Variants in WDPCP observed in about 807,000 individuals in gnomAD.
The protein encoded by WDPCP is WD repeat-containing and planar cell polarity effector protein fritz homolog.
WDPCP carries 71 observed loss-of-function variants against 93.1 expected under a neutral mutation model. The ratio of observed to expected loss-of-function variants is 0.76; its 90% CI spans 0.63 to 0.93. WDPCP has a LOEUF of 0.93. Ranked by LOEUF, WDPCP falls within the 40% of genes least tolerant of loss-of-function variation. The pLI, the probability that WDPCP is intolerant of heterozygous loss-of-function variation, is 0.00. For synonymous variants in WDPCP, 315 were observed against 315.0 expected (o/e 1.00, Z 0.00); for missense variants, 844 against 887.4 (o/e 0.95, Z 0.62).
At chr2:63,650,566 A>G (rs1400151659) in intron 3 of WDPCP, 2 of 152,216 alleles carry the variant, frequency 1.3e-5, no homozygotes, top group Non-Finnish European at 2.9e-5. Flanking sequence ...GATAAAGAAG[A>G]AAAAATATGT....
chr2:63,582,488 C>T (rs1361091285), intron 1 of WDPCP, among the ~76,000 whole-genome samples: 1 of 151,982 alleles, frequency 6.6e-6, no homozygotes, highest in Admixed American at 6.5e-5. Context: ...GAAGAGCACA[C>T]AGAAAAAAGT....
At chr2:63,205,909 T>C (rs550331904) in intron 14 of WDPCP, among the ~76,000 whole-genome samples, 2 of 152,318 alleles carry the variant, frequency 1.3e-5, no homozygotes, top group Admixed American at 6.5e-5. Context: ...TCCCCATACT[T>C]AGAGGAAAGG....
At chr2:63,228,793 T>C (rs1159510351) in intron 14 of WDPCP, 1 of 152,196 alleles carries the variant, frequency 6.6e-6, no homozygotes, top group African/African-American at 2.4e-5. Context: ...TAGTATTCCA[T>C]GGTGTATATG....
intron 2 of WDPCP, among the ~76,000 whole-genome samples, chr2:63,675,218 G>A (rs910815517): frequency 6.6e-5 from 10 of 152,110 alleles, no homozygotes; most frequent in African/African-American, 2.4e-4. Context: ...CTGCCTACAT[G>A]CCTCCTTCAT....
chr2:63,636,246 T>A (rs1709919676), intron 3 of WDPCP, among the ~76,000 whole-genome samples: 1 of 152,236 alleles, frequency 6.6e-6, no homozygotes, highest in Non-Finnish European at 1.5e-5. Flanking sequence ...GTTCATGGAT[T>A]GGAAGAATAT....
At chr2:63,657,498 G>A (rs992694190) in intron 2 of WDPCP, among the ~76,000 whole-genome samples, 5 of 152,082 alleles carry the variant, frequency 3.3e-5, no homozygotes, top group Non-Finnish European at 4.4e-5. Flanking sequence ...GAGTCACCGC[G>A]GCGCCCGGCC....
At chr2:63,204,587 C>A (rs1033057323) in intron 14 of WDPCP, among the ~76,000 whole-genome samples, 23 of 152,026 alleles carry the variant, frequency 1.5e-4, no homozygotes, top group South Asian at 8.3e-4. Context: ...GGTGATCTGC[C>A]CGCCTCAGCC....
chr2:63,595,589 G>T, intron 3 of WDPCP: 1 of 925,678 alleles, frequency 1.1e-6, no homozygotes, highest in Non-Finnish European at 1.7e-6. Context: ...TTAGGTTTTT[G>T]TTAAAGGCTC....
chr2:63,656,309 AG>A (rs1710164993), intron 2 of WDPCP, among the ~76,000 whole-genome samples: 1 of 152,166 alleles, frequency 6.6e-6, no homozygotes, highest in South Asian at 2.1e-4. Flanking sequence ...TCAGACCTAG[AG>A]CCCTACAGTG....
At chr2:63,706,808 G>A (rs1216487096) in intron 2 of WDPCP, among the ~76,000 whole-genome samples, 1 of 151,322 alleles carries the variant, frequency 6.6e-6, no homozygotes, top group East Asian at 1.9e-4. Flanking sequence ...AGTAGAGATG[G>A]GGTTTCACCT....
At chr2:63,375,245 C>T (rs1206187242) in intron 12 of WDPCP, among the ~76,000 whole-genome samples, 3 of 151,868 alleles carry the variant, frequency 2.0e-5, no homozygotes, top group African/African-American at 7.2e-5. Flanking sequence ...TCTCATTTGC[C>T]ATCATTTCCC....
At chr2:63,259,518 TG>T (rs1681436701) in intron 13 of WDPCP, 109 bp from the exon 14 acceptor site, 2 of 910,900 alleles carry the variant, frequency 2.2e-6, no homozygotes, top group Admixed American at 4.3e-5. Flanking sequence ...AGAAACAGTT[TG>T]TAAATATTCT....
chr2:63,348,694 A>G (rs1334866144), intron 12 of WDPCP, among the ~76,000 whole-genome samples: 2 of 152,182 alleles, frequency 1.3e-5, no homozygotes, highest in African/African-American at 4.8e-5. Flanking sequence ...AAGTTGAAGA[A>G]TAATTCCATG....
intron 12 of WDPCP, among the ~76,000 whole-genome samples, chr2:63,316,446 A>C (rs1439690078): frequency 6.6e-6 from 1 of 152,116 alleles, no homozygotes; most frequent in Admixed American, 6.5e-5. Context: ...TGAGGCTAAA[A>C]GTTCAAGACC....
chr2:63,568,423 T>C (rs546091421), intron 1 of WDPCP, among the ~76,000 whole-genome samples: 6 of 151,936 alleles, frequency 3.9e-5, no homozygotes, highest in African/African-American at 1.4e-4. Context: ...TAATGGGAGA[T>C]ATTTATAAAA....
intron 12 of WDPCP, among the ~76,000 whole-genome samples, chr2:63,337,352 G>A (rs1244475436): frequency 2.0e-5 from 3 of 151,986 alleles, no homozygotes; most frequent in Non-Finnish European, 4.4e-5. Context: ...ATTCCATTGT[G>A]TATATATACC....
In WDPCP at chr2:63,588,416, T is replaced by C. The variant is rs1196445413; in HGVS notation, c.-145A>G. 1.1e-6 allele frequency: 1 copy of C among 929,172 alleles called. No individual in the cohort carries two copies. The highest frequency in any genetic ancestry group is 1.7e-6 in the Non-Finnish European group (1 of 580,884). 57.6% of individuals were successfully genotyped at this position (929,172 alleles called of 1,614,324 possible). A position where few individuals can be genotyped will look rare whatever the true frequency, so the allele number is the denominator to read the frequency against. The stretch of plus-strand genomic sequence containing the variant: ...CAGGTGCTACAAAGCAGCCAGGGTG[T>C]GCGTGCGCTCCCGCCTCGTCGCTTA... On this transcript the variant is annotated 5_prime_UTR_variant, in exon 1 of 18. Coordinates refer to ENST00000272321, the MANE Select transcript of WDPCP (RefSeq NM_015910.7).
intron 12 of WDPCP, among the ~76,000 whole-genome samples, chr2:63,347,818 C>A (rs1434695953): frequency 6.6e-6 from 1 of 151,578 alleles, no homozygotes; most frequent in Non-Finnish European, 1.5e-5. Flanking sequence ...TCCCTAATGC[C>A]AGCCCCCTCT....
chr2:63,658,076 G>C (rs528263955), intron 2 of WDPCP, among the ~76,000 whole-genome samples: 1 of 152,172 alleles, frequency 6.6e-6, no homozygotes, highest in African/African-American at 2.4e-5. Flanking sequence ...TCAAAAAACT[G>C]AAGGTTCACC....
Sources: gnomAD v4.1 joint callset for allele counts (sites outside exome capture counted in the v4.1 genomes callset) on GRCh38, gnomAD v4.1.1 for gene constraint, MANE v1.5 for transcripts, NCBI Gene and HGNC (gene_info 2026-07-23, HGNC 2026-07-21) for gene names.